The following ARL15 variants were observed in gnomAD, a reference collection of about 807,000 sequenced individuals.
The protein encoded by ARL15 is ADP-ribosylation factor-like protein 15.
Under a neutral mutation model 25.2 loss-of-function variants are expected in ARL15, and 19 were observed. The observed-to-expected ratio is 0.75, with a 90% CI of 0.53 to 1.10. The LOEUF is 1.10. ARL15 is among the 50% of genes least tolerant of loss of function. The pLI is 0.00. For synonymous variants in ARL15, 94 were observed against 86.8 expected (o/e 1.08, Z -0.46); for missense variants, 220 against 246.0 (o/e 0.89, Z 0.71).
At chr5:53,991,561 A>AAAAAGGG (rs1388513035) in intron 4 of ARL15, among the ~76,000 whole-genome samples, 1 of 92,064 alleles carries the variant, frequency 1.1e-5, no homozygotes, top group African/African-American at 3.8e-5. Flanking sequence ...AAAAAAAAAA[A>AAAAAGGG]GGGGGGGCGG....
intron 2 of ARL15, among the ~76,000 whole-genome samples, chr5:54,160,846 A>T (rs927897010): frequency 6.6e-6 from 1 of 152,228 alleles, no homozygotes; most frequent in Non-Finnish European, 1.5e-5. Flanking sequence ...TCATTTTAAG[A>T]AACCAACTCT....
At chr5:54,193,588 G>A (rs1755465013) in intron 1 of ARL15, among the ~76,000 whole-genome samples, 1 of 152,046 alleles carries the variant, frequency 6.6e-6, no homozygotes, top group African/African-American at 2.4e-5. Flanking sequence ...GATGTGAGGT[G>A]GAACAGCATC....
intron 2 of ARL15, among the ~76,000 whole-genome samples, chr5:54,169,324 A>G (rs1056256693): frequency 8.5e-5 from 13 of 152,246 alleles, no homozygotes; most frequent in African/African-American, 2.9e-4. Flanking sequence ...TAAAGTTTAT[A>G]TAACTTCATT....
chr5:54,244,500 C>G (rs1757034371), intron 1 of ARL15, among the ~76,000 whole-genome samples: 1 of 152,066 alleles, frequency 6.6e-6, no homozygotes, highest in Non-Finnish European at 1.5e-5. Context: ...CCTGTATACA[C>G]CCAAAAGTTT....
At chr5:54,153,604 T>C (rs1487842338) in intron 3 of ARL15, among the ~76,000 whole-genome samples, 1 of 152,208 alleles carries the variant, frequency 6.6e-6, no homozygotes, top group Non-Finnish European at 1.5e-5. Flanking sequence ...TTGTTTTATA[T>C]ATTAATGCTA....
At chr5:54,260,958 C>T (rs9885301) in intron 1 of ARL15, among the ~76,000 whole-genome samples, 7,352 of 152,212 alleles carry the variant, frequency 0.048, 434 homozygotes, top group African/African-American at 0.14. Flanking sequence ...GAATAGGCTT[C>T]AACAGTATGA....
At chr5:53,968,420 A>G (rs925872415) in intron 4 of ARL15, among the ~76,000 whole-genome samples, 3 of 152,226 alleles carry the variant, frequency 2.0e-5, no homozygotes, top group African/African-American at 7.2e-5. Flanking sequence ...CCTAAAATAC[A>G]GAAACATCTT....
At chr5:54,266,973 T>C (rs906129810) in intron 1 of ARL15, among the ~76,000 whole-genome samples, 3 of 152,232 alleles carry the variant, frequency 2.0e-5, no homozygotes, top group South Asian at 2.1e-4. Context: ...ATTCCCTGTA[T>C]CTGTGTTCAA....
At chr5:54,261,466 T>G (rs1260090910) in intron 1 of ARL15, among the ~76,000 whole-genome samples, 1 of 152,092 alleles carries the variant, frequency 6.6e-6, no homozygotes, top group Non-Finnish European at 1.5e-5. Flanking sequence ...GCCAACCACT[T>G]TACTTAACAT....
intron 4 of ARL15, among the ~76,000 whole-genome samples, chr5:54,030,369 G>A (rs926790731): frequency 6.6e-6 from 1 of 152,172 alleles, no homozygotes; most frequent in Admixed American, 6.5e-5. Context: ...ACTACATATT[G>A]TAACTATCAT....
chr5:53,985,672 T>C (rs1664785), intron 4 of ARL15, among the ~76,000 whole-genome samples: 54,996 of 152,092 alleles, frequency 0.36, 10,736 homozygotes, highest in Middle Eastern at 0.46. Flanking sequence ...TAACATTCCA[T>C]TGCATGTGTA....
At chr5:54,205,276 C>T (rs951478018) in intron 1 of ARL15, among the ~76,000 whole-genome samples, 2 of 152,118 alleles carry the variant, frequency 1.3e-5, no homozygotes, top group South Asian at 2.1e-4. Flanking sequence ...GCCCCCATGA[C>T]GGTAAAGGCA....
chr5:54,147,245 G>C (rs546219098), intron 3 of ARL15, among the ~76,000 whole-genome samples: 2 of 152,030 alleles, frequency 1.3e-5, no homozygotes, highest in Non-Finnish European at 2.9e-5. Context: ...ATATCAAGAA[G>C]TTGCGGTCAT....
At chr5:54,034,115 A>C (rs1481931171) in intron 4 of ARL15, among the ~76,000 whole-genome samples, 18 of 152,188 alleles carry the variant, frequency 1.2e-4, no homozygotes. Context: ...GCCCGGCACA[A>C]GGTCTGTCTT....
intron 1 of ARL15, among the ~76,000 whole-genome samples, chr5:54,195,277 A>G (rs1755518844): frequency 6.6e-6 from 1 of 152,184 alleles, no homozygotes; most frequent in Non-Finnish European, 1.5e-5. Context: ...AGACATCATC[A>G]ATGAAAATAC....
chr5:54,141,818 G>C (rs186610594), intron 3 of ARL15, among the ~76,000 whole-genome samples: 2 of 152,066 alleles, frequency 1.3e-5, no homozygotes, highest in East Asian at 1.9e-4. Flanking sequence ...CTCAGTAGGA[G>C]AACACTATTT....
intron 3 of ARL15, among the ~76,000 whole-genome samples, chr5:54,129,511 C>A (rs537534857): frequency 1.0e-3 from 157 of 152,022 alleles, no homozygotes; most frequent in African/African-American, 3.4e-3. Context: ...AAAAATTAAA[C>A]GAGAAGAGAT....
intron 1 of ARL15, among the ~76,000 whole-genome samples, chr5:54,277,751 CA>C (rs896693654): frequency 2.7e-4 from 37 of 136,980 alleles, no homozygotes; most frequent in Admixed American, 2.9e-4. Context: ...GACTTCGTCT[CA>C]AAAAAAAAAA....
chr5:54,022,163 G>A (rs1212013730), intron 4 of ARL15, among the ~76,000 whole-genome samples: 1 of 152,246 alleles, frequency 6.6e-6, no homozygotes, highest in Non-Finnish European at 1.5e-5. Flanking sequence ...AAATGGAAGA[G>A]AAATGATAAA....
Sources: allele counts gnomAD v4.1 joint callset (sites outside exome capture counted in the v4.1 genomes callset), GRCh38; gene constraint gnomAD v4.1.1; transcripts MANE v1.5; gene names NCBI Gene and HGNC (gene_info 2026-07-23, HGNC 2026-07-21).